The following SUSD4 variants were observed in gnomAD, a reference collection of about 807,000 sequenced individuals.
SUSD4 encodes the protein sushi domain containing 4.
Under a neutral mutation model 50.5 loss-of-function variants are expected in SUSD4, and 41 were observed. The observed-to-expected ratio is 0.81, with a 90% CI of 0.63 to 1.05. The LOEUF is 1.05. Ranked by LOEUF, SUSD4 falls within the 50% of genes least tolerant of loss-of-function variation. The pLI, the probability that SUSD4 is intolerant of heterozygous loss-of-function variation, is 0.00. For missense variants in SUSD4, 580 were observed against 634.7 expected (o/e 0.91, Z 0.93); for synonymous variants, 257 against 257.3 (o/e 1.00, Z 0.01).
chr1:223,244,125 A>T (rs1198929500), intron 5 of SUSD4, among the ~76,000 whole-genome samples: 1 of 152,196 alleles, frequency 6.6e-6, no homozygotes, highest in East Asian at 1.9e-4. Flanking sequence ...CACACACAGG[A>T]GTTGGGATGG....
chr1:223,316,172 C>T (rs1666176089), intron 2 of SUSD4, among the ~76,000 whole-genome samples: 2 of 151,878 alleles, frequency 1.3e-5, no homozygotes, highest in African/African-American at 2.4e-5. Flanking sequence ...GGCTGCAACC[C>T]AAAATGACTT....
intron 3 of SUSD4, among the ~76,000 whole-genome samples, chr1:223,281,551 C>A (rs1458087768): frequency 2.0e-5 from 3 of 152,182 alleles, no homozygotes; most frequent in Admixed American, 6.5e-5. Context: ...GAAGTTTAAT[C>A]CCTGAATAGA....
At chr1:223,259,907 C>G (rs527565743) in intron 5 of SUSD4, among the ~76,000 whole-genome samples, 2 of 152,112 alleles carry the variant, frequency 1.3e-5, no homozygotes, top group African/African-American at 4.8e-5. Context: ...GCGTCTATAC[C>G]GATGAGCTCC....
intron 2 of SUSD4, among the ~76,000 whole-genome samples, chr1:223,345,816 C>T (rs761037488): frequency 6.6e-6 from 1 of 152,168 alleles, no homozygotes; most frequent in Non-Finnish European, 1.5e-5. Context: ...ACTAGAAACC[C>T]CTGGCTGCAA....
At chr1:223,257,729 G>A (rs753462922) in intron 5 of SUSD4, among the ~76,000 whole-genome samples, 6 of 151,096 alleles carry the variant, frequency 4.0e-5, no homozygotes, top group Admixed American at 6.5e-5. Flanking sequence ...GGATGGACCC[G>A]AGCTCATGCT....
chr1:223,359,196 C>T, intron 2 of SUSD4: 1 of 465,462 alleles, frequency 2.1e-6, no homozygotes. Flanking sequence ...CAGTGGGTTC[C>T]CCACTGCCTG....
chr1:223,332,059 C>T lies in SUSD4; in HGVS notation c.148+31219G>A, dbSNP rs1667206527. Among the ~76,000 whole-genome samples, 1 of 152,180 alleles carries T rather than the reference C, an allele frequency of 6.6e-6. No homozygotes were observed. The highest frequency in any genetic ancestry group is 1.5e-5 in the Non-Finnish European group (1 of 68,026). On this transcript the variant is annotated intron_variant, in intron 2 of 8. Transcript: ENST00000366878. The surrounding 1 kb of genome is among the most constrained non-coding windows in gnomAD (Gnocchi z 4.0). ...CTTCCTTGAACCCGTGCAGAGAAAGCTGAGTGATGGGGCACAGTGTGAGCC... is the reference window on the plus strand; with the variant it reads ...CTTCCTTGAACCCGTGCAGAGAAAGTTGAGTGATGGGGCACAGTGTGAGCC...
chr1:223,341,173 G>C (rs1249656858), intron 2 of SUSD4, among the ~76,000 whole-genome samples: 1 of 152,078 alleles, frequency 6.6e-6, no homozygotes, highest in Admixed American at 6.5e-5. Context: ...ATGGTGCTGG[G>C]CCTGCCTGGT....
rs544617975 is a variant in SUSD4, at chr1:223,221,771, C to G, written c.*421G>C. 1 of 161,490 alleles carries G rather than the reference C, an allele frequency of 6.2e-6. No individual in the cohort carries two copies. The highest frequency in any genetic ancestry group is 6.4e-5 in the Admixed American group (1 of 15,600). The allele number at this position is 161,490 out of a possible 1,614,324, so 10.0% of individuals were successfully genotyped here. On this transcript the variant is annotated 3_prime_UTR_variant, in exon 9 of 9. Transcript: ENST00000366878. ...AGGCTGACCCATCCAAATTTGGAGT[C>G]CAGAGACAGTTTGAAGCAGATGTTA... is the stretch of plus-strand genomic sequence containing the variant.
chr1:223,295,189 A>G (rs1664743266), intron 2 of SUSD4, among the ~76,000 whole-genome samples: 1 of 152,206 alleles, frequency 6.6e-6, no homozygotes, highest in Admixed American at 6.5e-5. Context: ...GTCATGAGCC[A>G]TAGCTAGGGC....
At chr1:223,250,596 A>G (rs1295301134) in intron 5 of SUSD4, among the ~76,000 whole-genome samples, 1 of 152,198 alleles carries the variant, frequency 6.6e-6, no homozygotes, top group East Asian at 1.9e-4. Flanking sequence ...TTTTAAGTGA[A>G]CACAGGAGAA....
At chr1:223,283,470 ATATGAAAAAATGC>A (rs1663902181) in intron 3 of SUSD4, among the ~76,000 whole-genome samples, 1 of 152,266 alleles carries the variant, frequency 6.6e-6, no homozygotes, top group Non-Finnish European at 1.5e-5. Flanking sequence ...GCCAACAGAC[ATATGAAAAAATGC>A]TCATCATCAC....
intron 3 of SUSD4, 29 bp downstream of exon 3, chr1:223,292,410 T>A: frequency 6.2e-7 from 1 of 1,613,130 alleles, no homozygotes; most frequent in Non-Finnish European, 8.5e-7. Context: ...ACCACATGAG[T>A]GGCTTCCGTG....
chr1:223,355,751 G>A (rs35727959), intron 2 of SUSD4, among the ~76,000 whole-genome samples: 8,301 of 152,186 alleles, frequency 0.055, 292 homozygotes, highest in East Asian at 0.12. Flanking sequence ...TGAGATAACC[G>A]GGTTACACCT....
chr1:223,351,283 G>C (rs1236012892), intron 2 of SUSD4, among the ~76,000 whole-genome samples: 1 of 152,232 alleles, frequency 6.6e-6, no homozygotes, highest in Non-Finnish European at 1.5e-5. Context: ...TCATATGTTG[G>C]TGAAAGGATA....
chr1:223,308,961 A>C (rs1665713995), intron 2 of SUSD4, among the ~76,000 whole-genome samples: 1 of 152,204 alleles, frequency 6.6e-6, no homozygotes, highest in South Asian at 2.1e-4. Context: ...ATGAAACATA[A>C]AGGATTTACT....
intron 2 of SUSD4, among the ~76,000 whole-genome samples, chr1:223,297,282 G>A (rs1664890203): frequency 6.6e-6 from 1 of 152,236 alleles, no homozygotes; most frequent in Admixed American, 6.5e-5. Context: ...AGTGTGAACA[G>A]AAGAACATAG....
chr1:223,239,814 GATCA>G (rs1380566648), intron 5 of SUSD4, among the ~76,000 whole-genome samples: 4 of 151,768 alleles, frequency 2.6e-5, no homozygotes, highest in African/African-American at 9.7e-5. Flanking sequence ...TTATCCACTA[GATCA>G]ATCAAGAATA....
intron 2 of SUSD4, among the ~76,000 whole-genome samples, chr1:223,340,779 C>CA (rs1383642846): frequency 1.1e-4 from 17 of 152,288 alleles, no homozygotes; most frequent in Admixed American, 7.2e-4. Flanking sequence ...AACAGGCCCT[C>CA]ACTGATAGAG....
Sources: gnomAD v4.1 joint callset for allele counts (sites outside exome capture counted in the v4.1 genomes callset) on GRCh38, gnomAD v4.1.1 for gene constraint, Gnocchi (gnomAD v3.1) non-coding constraint, MANE v1.5 for transcripts, NCBI Gene and HGNC (gene_info 2026-07-23, HGNC 2026-07-21) for gene names.